Variants in TSNAXIP1 observed in about 807,000 individuals in gnomAD.
TSNAXIP1 encodes translin-associated factor X-interacting protein 1.
Under a neutral mutation model 84.8 loss-of-function variants are expected in TSNAXIP1, and 89 were observed. The ratio of observed to expected loss-of-function variants is 1.05; its 90% confidence interval spans 0.88 to 1.25. The LOEUF (loss-of-function observed/expected upper bound fraction) is 1.25, where lower values mean the gene tolerates loss of function less well. TSNAXIP1 is among the 50% of genes most tolerant of loss of function. The pLI, the probability that TSNAXIP1 is intolerant of heterozygous loss-of-function variation, is 0.00. For synonymous variants in TSNAXIP1, 347 were observed against 335.2 expected, an observed-to-expected ratio of 1.04 and a Z score of -0.39; for missense variants, 874 against 887.6, an observed-to-expected ratio of 0.98 and a Z score of 0.20.
intron 2 of TSNAXIP1, among the ~76,000 whole-genome samples, chr16:67,818,978 C>T (rs1317426598): frequency 6.6e-6 from 1 of 151,848 alleles, no homozygotes; most frequent in Non-Finnish European, 1.5e-5. Flanking sequence ...TGCTGGGAAT[C>T]AGGCGTGAGC....
chr16:67,819,858 C>T (rs1302206646), intron 2 of TSNAXIP1, among the ~76,000 whole-genome samples: 4 of 121,180 alleles, frequency 3.3e-5, no homozygotes, highest in Admixed American at 9.1e-5. Flanking sequence ...CTCGCTCTGT[C>T]GCCAGGCTGG....
chr16:67,807,430 A>C, intron 1 of TSNAXIP1: 1 of 1,455,962 alleles, frequency 6.9e-7, no homozygotes, highest in Non-Finnish European at 9.2e-7. Context: ...CTTGTATTGA[A>C]TGTACTATAT....
In TSNAXIP1 at chr16:67,813,918, G is replaced by A. The variant is rs541252073; in HGVS notation, c.48-384G>A. ...CCCCAGATCCTGGACCCCAGACCCT[G>A]TGCTTCTTGTCCTACAGCACCTGCC... On this transcript the variant is annotated intron_variant, in intron 1 of 15. Coordinates refer to ENST00000561639, the MANE Select transcript of TSNAXIP1 (RefSeq NM_001288990.3). Among the ~76,000 whole-genome samples, 6 of 151,982 alleles carry A rather than the reference G, an allele frequency of 3.9e-5. No homozygotes were observed. In the East Asian group the frequency reaches 1.2e-3, roughly 29 times the overall value.
At chr16:67,809,633 AAT>A (rs2151186970) in intron 1 of TSNAXIP1, among the ~76,000 whole-genome samples, 1 of 147,508 alleles carries the variant, frequency 6.8e-6, no homozygotes, top group African/African-American at 2.7e-5. Flanking sequence ...CTCAAAAAAA[AAT>A]AAATAAATAA....
At chr16:67,821,258 G>T in intron 4 of TSNAXIP1, 33 bp downstream of exon 4, 1 of 1,504,200 alleles carries the variant, frequency 6.6e-7, no homozygotes, top group South Asian at 1.1e-5. Flanking sequence ...GGGGAGGGCG[G>T]GGGAAGGGTG....
chr16:67,825,864 G>A (rs1394503564), intron 8 of TSNAXIP1, 28 bp downstream of exon 8: 1 of 1,614,048 alleles, frequency 6.2e-7, no homozygotes, highest in Admixed American at 1.7e-5. Flanking sequence ...GGGCCAGGAG[G>A]GTAGGACGGG....
At chr16:67,816,013 G>A (rs2056520816) in intron 2 of TSNAXIP1, among the ~76,000 whole-genome samples, 1 of 139,394 alleles carries the variant, frequency 7.2e-6, no homozygotes, top group African/African-American at 2.9e-5. Flanking sequence ...CTGTCGCCCA[G>A]GCTGGAGTGC....
chr16:67,820,257 A>G (rs1462129666), intron 2 of TSNAXIP1, among the ~76,000 whole-genome samples: 4 of 152,262 alleles, frequency 2.6e-5, no homozygotes, highest in South Asian at 4.1e-4. Context: ...GCGCCCGACT[A>G]TGCTTTCTCA....
chr16:67,809,763 C>T (rs2055871651), intron 1 of TSNAXIP1, among the ~76,000 whole-genome samples: 1 of 152,016 alleles, frequency 6.6e-6, no homozygotes, highest in Admixed American at 6.6e-5. Flanking sequence ...GCCTGGCCAA[C>T]ATAGTGAAAC....
chr16:67,808,746 A>C (rs1051662302), intron 1 of TSNAXIP1, among the ~76,000 whole-genome samples: 13 of 152,154 alleles, frequency 8.5e-5, no homozygotes, highest in Non-Finnish European at 2.9e-5. Context: ...CTCCGTCTCA[A>C]AAAAAGAAAA....
chr16:67,827,675 G>A, intron 15 of TSNAXIP1, 78 bp from the exon 16 acceptor site: 1 of 1,610,400 alleles, frequency 6.2e-7, no homozygotes. Context: ...GCTCAGCCCA[G>A]CACAGAGGAG....
chr16:67,810,264 G>T (rs1226406859), intron 1 of TSNAXIP1, among the ~76,000 whole-genome samples: 1 of 152,104 alleles, frequency 6.6e-6, no homozygotes, highest in African/African-American at 2.4e-5. Context: ...GAACTCAGCA[G>T]CTTGCGTTCA....
intron 2 of TSNAXIP1, 132 bp downstream of exon 2, chr16:67,814,533 C>T (rs939236011): frequency 3.0e-5 from 23 of 767,628 alleles, no homozygotes; most frequent in South Asian, 2.9e-4. Context: ...GTGGCTTCTT[C>T]TCAGTTAGAG....
chr16:67,814,500 C>A, intron 2 of TSNAXIP1, 99 bp downstream of exon 2: 1 of 963,906 alleles, frequency 1.0e-6, no homozygotes, highest in Non-Finnish European at 1.6e-6. Flanking sequence ...TGAAACATGC[C>A]CACCTGAAAC....
chr16:67,826,165 G>T lies in TSNAXIP1; in HGVS notation c.1158G>T (p.Gly386=). The T allele has an allele frequency of 6.2e-7, 1 of 1,613,018 alleles. No homozygotes were observed. The highest frequency in any genetic ancestry group is 8.5e-7 in the Non-Finnish European group (1 of 1,179,268). ...DWTKCKDVVA[G]GPERWQMLAE... is the part of the protein sequence containing the mutation. ...CCCCACATGCAGATGTGGTGGCTGG[G>T]GGCCCAGAGCGCTGGCAGATGCTGG... Residue 386 remains glycine, a synonymous_variant, in exon 10 of 16, where the codon GGG becomes GGT. Transcript: ENST00000561639.
At chr16:67,808,305 G>A (rs150553093) in intron 1 of TSNAXIP1, among the ~76,000 whole-genome samples, 3,899 of 152,208 alleles carry the variant, frequency 0.026, 157 homozygotes, top group African/African-American at 0.086. Context: ...GGCCAGGCAC[G>A]GTGGCTCACG....
Position 67,826,790 on chromosome 16 carries a change from G to C in TSNAXIP1, c.1500G>C (p.Lys500Asn), listed in dbSNP as rs2151273269. Residue 500 changes from lysine (K) to asparagine (N), a missense_variant, in exon 12 of 16, where the codon AAG becomes AAC. Coordinates refer to ENST00000561639, the MANE Select transcript of TSNAXIP1 (RefSeq NM_001288990.3). ...CTTATACTATTTTTGAAAATATCAA[G>C]ATCTTCCACTCCAACGAGGTTATGA... ...AWAYTIFENI[K>N]IFHSNEVMSQ... The C allele has an allele frequency of 6.2e-7, 1 of 1,614,098 alleles. No homozygotes were observed. The highest frequency in any genetic ancestry group is 8.5e-7 in the Non-Finnish European group (1 of 1,180,036).
chr16:67,821,297 C>T (rs2057033822), intron 4 of TSNAXIP1, 72 bp downstream of exon 4: 3 of 1,556,568 alleles, frequency 1.9e-6, no homozygotes, highest in Admixed American at 3.8e-5. Flanking sequence ...CGGCCGGGCA[C>T]AGTGGCTCAC....
At chr16:67,807,738 C>T (rs963826334) in intron 1 of TSNAXIP1, 1 of 211,182 alleles carries the variant, frequency 4.7e-6, no homozygotes, top group Non-Finnish European at 9.9e-6. Context: ...CCACTTCGAC[C>T]TCTCAAACTG....
Sources: gnomAD v4.1 joint callset for allele counts (sites outside exome capture counted in the v4.1 genomes callset) on GRCh38, gnomAD v4.1.1 for gene constraint, MANE v1.5 for transcripts, NCBI Gene and HGNC (gene_info 2026-07-23, HGNC 2026-07-21) for gene names.